The following MYH15 variants were observed in gnomAD, a reference collection of about 807,000 sequenced individuals.
The protein encoded by MYH15 is myosin-15.
In MYH15, 227 loss-of-function variants were observed where a neutral mutation model predicts 240.5. That is an observed-to-expected ratio of 0.94 (90% confidence interval 0.85 to 1.05). The LOEUF is 1.05. MYH15 is among the 50% of genes least tolerant of loss of function. The pLI, the probability that MYH15 is intolerant of heterozygous loss-of-function variation, is 0.00. For synonymous variants in MYH15, 785 were observed against 796.7 expected (o/e 0.99, Z 0.25); for missense variants, 2,217 against 2,247.5 (o/e 0.99, Z 0.27).
chr3:108,477,985 G>T (rs1332608237), intron 11 of MYH15, among the ~76,000 whole-genome samples: 3 of 151,972 alleles, frequency 2.0e-5, no homozygotes, highest in Non-Finnish European at 4.4e-5. Context: ...ACCCCTCTCT[G>T]CTTTCTATTT....
chr3:108,435,640 G>C (rs751703681), intron 25 of MYH15, among the ~76,000 whole-genome samples: 7 of 145,706 alleles, frequency 4.8e-5, no homozygotes, highest in Non-Finnish European at 8.9e-5. Context: ...CACATGGCAG[G>C]GGTTTCTTTT....
intron 1 of MYH15, among the ~76,000 whole-genome samples, chr3:108,528,782 C>T (rs1006752283): frequency 3.3e-5 from 5 of 152,198 alleles, no homozygotes; most frequent in African/African-American, 1.2e-4. Flanking sequence ...CAGTCTGACA[C>T]TATAGACCAT....
At position 108,383,579 on chromosome 3, in the gene MYH15, T is replaced by G; in HGVS notation, c.5766+16A>C. ...CATGATTAAAGAGTTAGAACAGAGT[T>G]GAATATCTGCCATACCTTTTTCCCA... is the stretch of plus-strand genomic sequence containing the variant. On this transcript the variant is annotated intron_variant, in intron 40 of 40. Coordinates refer to ENST00000693548, the MANE Select transcript of MYH15 (RefSeq NM_014981.3). 1.2e-6 allele frequency: 2 copies of G among 1,611,846 alleles called. No homozygotes were observed. Among genetic ancestry groups the G allele is most frequent in the Non-Finnish European group, 1.7e-6 (2 of 1,178,764 alleles).
At chr3:108,486,286 C>A in intron 10 of MYH15, 137 bp downstream of exon 10, 1 of 516,764 alleles carries the variant, frequency 1.9e-6, no homozygotes. Context: ...AATAAGTAAA[C>A]TTTGGACAGA....
rs779458266 is a variant in MYH15 at position 108,460,324 on chromosome 3, G to A, written c.1908C>T (p.Phe636=). Residue 636 remains phenylalanine (F), a synonymous_variant, in exon 17 of 41, where the codon TTC becomes TTT. Transcript: ENST00000693548. ...GEKKRKKGAS[F]QTVASLHKEN... ...CTTTATGCAGAGATGCAACCGTTTG[G>A]AATGAAGCTCCTTTCTTTCGTTTCT... 3.7e-6 allele frequency: 6 copies of A among 1,600,146 alleles called. No individual in the cohort carries two copies. The highest frequency in any genetic ancestry group is 5.1e-6 in the Non-Finnish European group (6 of 1,173,108).
At position 108,415,909 on chromosome 3, in the gene MYH15, T is replaced by G. The variant is rs1389721847; in HGVS notation, c.3948+903A>C. ...CACTGGGAAGGCAGCCAGAGAGATC[T>G]TCTAAAATATAACTCATTTCACTAT... On this transcript the variant is annotated intron_variant, in intron 29 of 40. Coordinates refer to ENST00000693548, the MANE Select transcript of MYH15 (RefSeq NM_014981.3). Among the ~76,000 whole-genome samples, 10 of 152,206 alleles carry G rather than the reference T, an allele frequency of 6.6e-5. No individual in the cohort carries two copies. In the East Asian group the frequency reaches 1.9e-3, roughly 29 times the overall value.
intron 22 of MYH15, among the ~76,000 whole-genome samples, chr3:108,442,536 T>C (rs1402882337): frequency 1.3e-5 from 2 of 152,146 alleles, no homozygotes; most frequent in African/African-American, 4.8e-5. Flanking sequence ...CCATTCAGCC[T>C]GTATACAAGA....
At chr3:108,543,042 G>A in the MYH15 span, among the ~76,000 whole-genome samples, 15 of 152,024 alleles carry the variant, frequency 9.9e-5, no homozygotes, top group Non-Finnish European at 1.5e-4. Context: ...CATCATGTCC[G>A]GCTAATTTTT....
chr3:108,453,924 A>C (rs769431400), intron 21 of MYH15, 82 bp downstream of exon 21: 868 of 1,403,186 alleles, frequency 6.2e-4, no homozygotes, highest in Non-Finnish European at 8.1e-4. Context: ...CTCTTGACCT[A>C]CTATAAGGCA....
At chr3:108,417,979 C>G (rs567312981) in intron 28 of MYH15, among the ~76,000 whole-genome samples, 1 of 152,250 alleles carries the variant, frequency 6.6e-6, no homozygotes, top group East Asian at 1.9e-4. Context: ...GAGCCATCAA[C>G]CTAATGATGG....
chr3:108,428,545 G>T lies in MYH15; in HGVS notation c.3649C>A (p.Gln1217Lys). The change falls in exon 27 of 41, where the codon CAG becomes AAG. Residue 1217 changes from glutamine to lysine, a missense_variant. Physicochemically the swap from Gln to Lys is moderately conservative, Grantham distance 53. Coordinates refer to ENST00000693548, the MANE Select transcript of MYH15 (RefSeq NM_014981.3). ...QKLEKDKSDLQLEVDDLLTRV... is the reference protein window; with the variant it reads ...QKLEKDKSDLKLEVDDLLTRV... ...GTCAGGAGGTCATCTACTTCTAGCTGCAAGTCACTCTTGTCTTTTTCCAGT... is the reference window on the plus strand; with the variant it reads ...GTCAGGAGGTCATCTACTTCTAGCTTCAAGTCACTCTTGTCTTTTTCCAGT... The T allele has an allele frequency of 6.2e-7, 1 of 1,614,084 alleles. No homozygotes were observed. Among genetic ancestry groups the T allele is most frequent in the Non-Finnish European group, 8.5e-7 (1 of 1,180,028 alleles).
At position 108,384,793 on chromosome 3, in the gene MYH15, T is replaced by C. The variant is rs76822654; in HGVS notation, c.5536-11A>G. 2 of 1,606,516 alleles carry C rather than the reference T, an allele frequency of 1.2e-6. No individual in the cohort carries two copies. The highest frequency in any genetic ancestry group is 1.7e-6 in the Non-Finnish European group (2 of 1,173,528). On this transcript the variant is annotated splice_polypyrimidine_tract_variant and intron_variant, in intron 38 of 40. Transcript: ENST00000693548. ...CTTGTCTTCCTCTGCCTGCAATACA[T>C]AGGCATGTATGGGAAGGTGATTCAG...
At chr3:108,549,441 C>T in the MYH15 span, among the ~76,000 whole-genome samples, 1 of 151,740 alleles carries the variant, frequency 6.6e-6, no homozygotes, top group South Asian at 2.1e-4. Flanking sequence ...GGACTTTCTT[C>T]TTTAGGGAGA....
At chr3:108,446,361 C>A (rs2082928182) in intron 21 of MYH15, among the ~76,000 whole-genome samples, 1 of 152,178 alleles carries the variant, frequency 6.6e-6, no homozygotes. Context: ...TACCACCAGG[C>A]CATCATGCCC....
chr3:108,447,776 T>C (rs1401242932), intron 21 of MYH15, among the ~76,000 whole-genome samples: 1 of 151,994 alleles, frequency 6.6e-6, no homozygotes, highest in African/African-American at 2.4e-5. Context: ...CAAAAATATA[T>C]AAAAGTGTAA....
At chr3:108,490,494 T>G (rs1041076504) in intron 9 of MYH15, among the ~76,000 whole-genome samples, 1 of 151,818 alleles carries the variant, frequency 6.6e-6, no homozygotes, top group Admixed American at 6.6e-5. Flanking sequence ...TCCAATGACT[T>G]CCTATGCCAC....
upstream of MYH15, among the ~76,000 whole-genome samples, chr3:108,531,943 G>C (rs1315823195): frequency 1.3e-5 from 2 of 152,108 alleles, no homozygotes; most frequent in Non-Finnish European, 2.9e-5. Context: ...AGTAGAAACT[G>C]AAAGAGGTAA....
chr3:108,395,197 A>T lies in MYH15; in HGVS notation c.5134-1041T>A, dbSNP rs142747134. On this transcript the variant is annotated intron_variant, in intron 35 of 40. Transcript: ENST00000693548. ...GGTGAGAGGATTGCTTGAGCCTGGG[A>T]GGCGGGGGTTGCAGTGAACCGAGAT... Among the ~76,000 whole-genome samples, 361 of 152,324 alleles carry T rather than the reference A, an allele frequency of 2.4e-3. 3 individuals carry two copies. The highest frequency in any genetic ancestry group is 2.9e-4 in the Non-Finnish European group (20 of 68,024).
At chr3:108,385,714 G>A (rs1453275508) in intron 38 of MYH15, among the ~76,000 whole-genome samples, 3 of 152,012 alleles carry the variant, frequency 2.0e-5, no homozygotes, top group African/African-American at 7.3e-5. Context: ...TTGTTTTCTG[G>A]CTCCATTTGA....
Sources: allele counts gnomAD v4.1 joint callset (sites outside exome capture counted in the v4.1 genomes callset), GRCh38; gene constraint gnomAD v4.1.1; transcripts MANE v1.5; gene names NCBI Gene and HGNC (gene_info 2026-07-23, HGNC 2026-07-21).